TMEM260: variants seen among roughly 807,000 people sequenced by gnomAD.
TMEM260 encodes protein O-mannosyl-transferase TMEM260.
TMEM260 carries 82 observed loss-of-function variants against 88.9 expected under a neutral mutation model. That is an observed-to-expected ratio of 0.92 (90% CI 0.77 to 1.11). The LOEUF (loss-of-function observed/expected upper bound fraction) is 1.11, where lower values mean the gene tolerates loss of function less well. Ranked by LOEUF, TMEM260 falls within the 50% of genes least tolerant of loss-of-function variation. TMEM260 has a pLI of 0.00. For synonymous variants in TMEM260, 314 were observed against 309.3 expected, an observed-to-expected ratio of 1.02 and a Z score of -0.16; for missense variants, 902 against 853.4, an observed-to-expected ratio of 1.06 and a Z score of -0.71.
chr14:56,593,372 G>A (rs539534999), intron 3 of TMEM260: 1 of 152,202 alleles, frequency 6.6e-6, no homozygotes, highest in South Asian at 2.1e-4. Context: ...TACTCTTGGT[G>A]TGTCTTTTTT....
intron 3 of TMEM260, 33 bp from the exon 4 acceptor site, chr14:56,603,782 G>A: frequency 2.5e-6 from 4 of 1,612,434 alleles, no homozygotes; most frequent in Non-Finnish European, 2.5e-6. Flanking sequence ...CTTTTTGTTG[G>A]AAAAGAAGAT....
In TMEM260 at chr14:56,630,979, G is replaced by A. The variant is rs563299741; in HGVS notation, c.1548-2016G>A. On this transcript the variant is annotated intron_variant, in intron 12 of 15. Coordinates refer to ENST00000261556, the MANE Select transcript of TMEM260 (RefSeq NM_017799.4). ...TGTGCTACTGTTACTGGCGGCGAGT[G>A]TGTGAGTTACTGGCAGCAAACCCAT... 2.0e-5 allele frequency among the ~76,000 whole-genome samples: 3 copies of A among 152,236 alleles called. No individual in the cohort carries two copies. The East Asian group carries it at 5.8e-4, about 29-fold the overall frequency.
At chr14:56,617,410 A>G (rs1403142251) in intron 9 of TMEM260, 113 bp downstream of exon 9, 23 of 639,212 alleles carry the variant, frequency 3.6e-5, no homozygotes, top group Non-Finnish European at 5.1e-5. Flanking sequence ...TTAAAATTTT[A>G]TATACATTTT....
the TMEM260 span, among the ~76,000 whole-genome samples, chr14:56,662,899 G>A: frequency 2.0e-5 from 3 of 152,036 alleles, no homozygotes; most frequent in Non-Finnish European, 2.9e-5. Flanking sequence ...AGGCCAACGC[G>A]GGCGGATCAG....
chr14:56,620,287 T>C lies in TMEM260; in HGVS notation c.1227-1244T>C, dbSNP rs146871159. On this transcript the variant is annotated intron_variant, in intron 10 of 15. Coordinates refer to ENST00000261556, the MANE Select transcript of TMEM260 (RefSeq NM_017799.4). ...CAAACCCACACGTGTACCCTGAACATAAAATAAAAGTTAAAAAAACCCACA... is the reference window on the plus strand; with the variant it reads ...CAAACCCACACGTGTACCCTGAACACAAAATAAAAGTTAAAAAAACCCACA... 5.3e-5 allele frequency among the ~76,000 whole-genome samples: 8 copies of C among 152,192 alleles called. No individual in the cohort carries two copies. The East Asian group carries it at 1.5e-3, about 29-fold the overall frequency.
chr14:56,604,135 C>T, intron 4 of TMEM260, 143 bp downstream of exon 4: 1 of 806,340 alleles, frequency 1.2e-6, no homozygotes, highest in Non-Finnish European at 1.8e-6. Context: ...AAAATGATCT[C>T]AGTCTTTTTT....
chr14:56,656,178 A>G, the TMEM260 span, among the ~76,000 whole-genome samples: 1 of 152,132 alleles, frequency 6.6e-6, no homozygotes, highest in Non-Finnish European at 1.5e-5. Context: ...CCACTTTGGG[A>G]GGCTGAGATG....
In TMEM260 at chr14:56,579,817, C is replaced by G. The variant is rs1295153587; in HGVS notation, c.-98C>G. 8.5e-7 allele frequency: 1 copy of G among 1,170,080 alleles called. No individual in the cohort carries two copies. Among genetic ancestry groups the G allele is most frequent in the Admixed American group, 4.2e-5 (1 of 23,602 alleles). 72.5% of individuals were successfully genotyped at this position (1,170,080 alleles called of 1,614,324 possible). The stretch of plus-strand genomic sequence containing the variant: ...AGGCTCGACCCGGAAGCCGCCGTGG[C>G]CGCCGCACAAGCTGCGCTCGTCTCT... On this transcript the variant is annotated 5_prime_UTR_variant, in exon 1 of 16. Transcript: ENST00000261556.
chr14:56,582,755 C>T (rs989456096), intron 1 of TMEM260, among the ~76,000 whole-genome samples: 1 of 152,108 alleles, frequency 6.6e-6, no homozygotes, highest in Non-Finnish European at 1.5e-5. Flanking sequence ...AGCCAAGACT[C>T]GGGAAGCTCG....
At chr14:56,594,110 A>T (rs1274387632) in intron 3 of TMEM260, among the ~76,000 whole-genome samples, 1 of 152,224 alleles carries the variant, frequency 6.6e-6, no homozygotes, top group Non-Finnish European at 1.5e-5. Context: ...GTCAGATTAG[A>T]TGATTAAAAT....
intron 10 of TMEM260, 151 bp downstream of exon 10, chr14:56,618,914 G>A: frequency 1.3e-6 from 1 of 777,776 alleles, no homozygotes; most frequent in Non-Finnish European, 2.0e-6. Context: ...TAACTTTTAG[G>A]GTCGTTAAAC....
rs1420768695 is a variant in TMEM260 at position 56,604,006 on chromosome 14, A to G, written c.522+14A>G. ...GAGAGATCAAAGGTAACCTATTTTGATCAAAGTGAAATCAGTTTTTGTTTT... is the reference window on the plus strand; with the variant it reads ...GAGAGATCAAAGGTAACCTATTTTGGTCAAAGTGAAATCAGTTTTTGTTTT... On this transcript the variant is annotated intron_variant, in intron 4 of 15. Coordinates refer to ENST00000261556, the MANE Select transcript of TMEM260 (RefSeq NM_017799.4). 2.0e-6 allele frequency: 3 copies of G among 1,519,074 alleles called. No individual in the cohort carries two copies. The highest frequency in any genetic ancestry group is 1.8e-6 in the Non-Finnish European group (2 of 1,138,794). 94.1% of individuals were successfully genotyped at this position (1,519,074 alleles called of 1,614,324 possible).
chr14:56,586,876 CTG>C (rs1426386809), intron 3 of TMEM260, among the ~76,000 whole-genome samples: 1 of 151,760 alleles, frequency 6.6e-6, no homozygotes, highest in African/African-American at 2.4e-5. Flanking sequence ...TACTTTTGAT[CTG>C]TATGTGAAAA....
chr14:56,650,953 T>C (rs144128393), downstream of TMEM260, among the ~76,000 whole-genome samples: 27 of 152,316 alleles, frequency 1.8e-4, no homozygotes, highest in East Asian at 4.4e-3. Flanking sequence ...TTACTTAGAA[T>C]TCTGTTCTAA....
chr14:56,633,260 T>A, intron 13 of TMEM260, 89 bp downstream of exon 13: 2 of 1,016,872 alleles, frequency 2.0e-6, no homozygotes, highest in East Asian at 5.5e-5. Context: ...GCCTTCTAAT[T>A]TTTTTTTTTA....
intron 10 of TMEM260, among the ~76,000 whole-genome samples, chr14:56,620,300 A>T (rs188124346): frequency 5.4e-4 from 83 of 152,316 alleles, no homozygotes; most frequent in Middle Eastern, 6.8e-3. Flanking sequence ...AATAAAAGTT[A>T]AAAAAACCCA....
chr14:56,629,971 T>C (rs916536620), intron 12 of TMEM260, among the ~76,000 whole-genome samples: 13 of 151,840 alleles, frequency 8.6e-5, no homozygotes, highest in African/African-American at 2.9e-4. Flanking sequence ...AATGCAGGAG[T>C]TTGAGGCTGC....
intron 10 of TMEM260, chr14:56,619,365 G>A: frequency 6.5e-6 from 1 of 152,678 alleles, no homozygotes; most frequent in Non-Finnish European, 1.5e-5. Context: ...TAGAGACAAG[G>A]TCTCACTATG....
Position 56,617,169 on chromosome 14 carries a change from ATTAT to A in TMEM260, c.942-11_942-8del. On this transcript the variant is annotated splice_polypyrimidine_tract_variant and intron_variant, in intron 8 of 15. Transcript: ENST00000261556. ...ATCTAAATATTTTAGACATATTTTT[ATTAT>A]TTTTTGTAGGGACAGACAGAATCCA... 1 of 1,464,542 alleles carries A rather than the reference ATTAT, an allele frequency of 6.8e-7. No homozygotes were observed. The highest frequency in any genetic ancestry group is 1.3e-5 in the South Asian group (1 of 77,680). The allele number at this position is 1,464,542 out of a possible 1,614,324, so 90.7% of individuals were successfully genotyped here.
Sources: gnomAD v4.1 joint callset for allele counts (sites outside exome capture counted in the v4.1 genomes callset) on GRCh38, gnomAD v4.1.1 for gene constraint, MANE v1.5 for transcripts, NCBI Gene and HGNC (gene_info 2026-07-23, HGNC 2026-07-21) for gene names.